Variants in HS3ST3B1 observed in about 807,000 individuals in gnomAD.
The protein encoded by HS3ST3B1 is heparan sulfate-glucosamine 3-sulfotransferase 3B1.
Under a neutral mutation model 21.3 loss-of-function variants are expected in HS3ST3B1, and 13 were observed. That is an observed-to-expected ratio of 0.61 (90% CI 0.40 to 0.97). HS3ST3B1 has a LOEUF of 0.97. Among genes scored for constraint, HS3ST3B1 ranks in the 50% least tolerant of loss-of-function variants. The pLI is 0.00. For missense variants in HS3ST3B1, 459 were observed against 554.8 expected (o/e 0.83, Z 1.73); for synonymous variants, 234 against 254.8 (o/e 0.92, Z 0.78).
intron 1 of HS3ST3B1, among the ~76,000 whole-genome samples, chr17:14,321,597 C>G (rs144944187): frequency 6.6e-6 from 1 of 152,270 alleles, no homozygotes; most frequent in Non-Finnish European, 1.5e-5. Flanking sequence ...GTTTGTATCA[C>G]CAGCAGAGCC....
At chr17:14,325,568 CAG>C (rs1909783993) in intron 1 of HS3ST3B1, among the ~76,000 whole-genome samples, 1 of 152,208 alleles carries the variant, frequency 6.6e-6, no homozygotes. Context: ...TAGAAAGTTG[CAG>C]AGTCTCTCAA....
chr17:14,321,481 G>A (rs1474070889), intron 1 of HS3ST3B1, among the ~76,000 whole-genome samples: 3 of 152,124 alleles, frequency 2.0e-5, no homozygotes, highest in Non-Finnish European at 4.4e-5. Context: ...TACACACTTC[G>A]TTTATTTAAA....
At chr17:14,325,349 C>A (rs1909776469) in intron 1 of HS3ST3B1, among the ~76,000 whole-genome samples, 1 of 152,172 alleles carries the variant, frequency 6.6e-6, no homozygotes, top group Admixed American at 6.5e-5. Context: ...TGGAACCAGG[C>A]AAATGTTACC....
intron 1 of HS3ST3B1, chr17:14,327,769 A>G (rs756511474): frequency 6.6e-6 from 1 of 152,212 alleles, no homozygotes; most frequent in Non-Finnish European, 1.5e-5. Flanking sequence ...TCATTCAACA[A>G]ATATTTTCAA....
rs1012422084 is a variant in HS3ST3B1, at chr17:14,347,595, T to G, written c.*1949T>G. 6 of 152,328 alleles carry G rather than the reference T, an allele frequency of 3.9e-5. No individual in the cohort carries two copies. The highest frequency in any genetic ancestry group is 7.4e-5 in the Non-Finnish European group (5 of 68,026). The allele number at this position is 152,328 out of a possible 1,614,324, so 9.4% of individuals were successfully genotyped here. On this transcript the variant is annotated 3_prime_UTR_variant, in exon 2 of 2. Coordinates refer to ENST00000360954, the MANE Select transcript of HS3ST3B1 (RefSeq NM_006041.3). ...GTATAAGGAACATTGTATGAAAAGA[T>G]GAAAAGATACTTCATTTTTAGAAAC...
At chr17:14,320,706 G>A (rs576297658) in intron 1 of HS3ST3B1, among the ~76,000 whole-genome samples, 7 of 152,288 alleles carry the variant, frequency 4.6e-5, no homozygotes, top group South Asian at 2.1e-4. Context: ...CAGGTTCCAC[G>A]TCTTCGAATC....
chr17:14,325,294 A>G (rs1909775035), intron 1 of HS3ST3B1, among the ~76,000 whole-genome samples: 1 of 152,266 alleles, frequency 6.6e-6, no homozygotes, highest in South Asian at 2.1e-4. Context: ...TCATCAAGGT[A>G]TACAATGAGT....
At chr17:14,302,215 G>A in intron 1 of HS3ST3B1, 143 bp downstream of exon 1, 1 of 1,029,932 alleles carries the variant, frequency 9.7e-7, no homozygotes, top group Non-Finnish European at 1.4e-6. Flanking sequence ...AGATTGCGCA[G>A]CGCATCCTGT....
At chr17:14,325,183 C>G (rs1909771243) in intron 1 of HS3ST3B1, among the ~76,000 whole-genome samples, 1 of 152,238 alleles carries the variant, frequency 6.6e-6, no homozygotes, top group Non-Finnish European at 1.5e-5. Flanking sequence ...TGCCATGGGG[C>G]AATGGCTACT....
At chr17:14,310,015 G>T (rs58237904) in intron 1 of HS3ST3B1, among the ~76,000 whole-genome samples, 2,191 of 152,308 alleles carry the variant, frequency 0.014, 65 homozygotes, top group African/African-American at 0.05. Flanking sequence ...GGGAAGAAAT[G>T]GATAATCCTC....
intron 1 of HS3ST3B1, chr17:14,327,809 T>C (rs1449861555): frequency 6.6e-6 from 1 of 152,234 alleles, no homozygotes; most frequent in East Asian, 1.9e-4. Flanking sequence ...TTTTGCTGTT[T>C]TTCTTGTATT....
chr17:14,306,590 T>C (rs8072689), intron 1 of HS3ST3B1, among the ~76,000 whole-genome samples: 1,563 of 152,358 alleles, frequency 0.01, 29 homozygotes, highest in African/African-American at 0.035. Flanking sequence ...TGAAAGCTAA[T>C]AGCTGAAAAT....
At chr17:14,342,057 T>C (rs140734885) in intron 1 of HS3ST3B1, among the ~76,000 whole-genome samples, 1 of 152,316 alleles carries the variant, frequency 6.6e-6, no homozygotes, top group East Asian at 1.9e-4. Flanking sequence ...TAACTCCCTG[T>C]TGGCAGTCTG....
intron 1 of HS3ST3B1, among the ~76,000 whole-genome samples, chr17:14,336,343 T>A (rs1286723506): frequency 6.6e-6 from 1 of 152,212 alleles, no homozygotes; most frequent in African/African-American, 2.4e-5. Context: ...AGGAGGGATA[T>A]CACCCGAGGA....
At chr17:14,304,662 T>C (rs1348444472) in intron 1 of HS3ST3B1, 1 of 152,144 alleles carries the variant, frequency 6.6e-6, no homozygotes, top group African/African-American at 2.4e-5. Context: ...GTGCCAGAGG[T>C]GTGCTCCATT....
At chr17:14,329,179 G>A (rs890370499) in intron 1 of HS3ST3B1, 6 of 152,068 alleles carry the variant, frequency 3.9e-5, no homozygotes, top group African/African-American at 1.2e-4. Context: ...GGTCGCTGAC[G>A]ATACTGAGTC....
chr17:14,306,617 T>C (rs1184499528), intron 1 of HS3ST3B1, among the ~76,000 whole-genome samples: 1 of 152,230 alleles, frequency 6.6e-6, no homozygotes, highest in Non-Finnish European at 1.5e-5. Context: ...ATTCCCCACA[T>C]TTTAAATTTA....
intron 1 of HS3ST3B1, among the ~76,000 whole-genome samples, chr17:14,311,872 G>T (rs1256469517): frequency 1.3e-5 from 2 of 152,026 alleles, no homozygotes; most frequent in Non-Finnish European, 2.9e-5. Flanking sequence ...CTTAAAACAG[G>T]CTCGAGGAGA....
chr17:14,301,262 C>T lies in HS3ST3B1; in HGVS notation c.-257C>T, dbSNP rs546748067. ...TCGCGCCCCGGGAGCAGACCCTCGC[C>T]CAGCAGTTACCGCCGTCCCGACTTT... On this transcript the variant is annotated 5_prime_UTR_variant, in exon 1 of 2. Coordinates refer to ENST00000360954, the MANE Select transcript of HS3ST3B1 (RefSeq NM_006041.3). The T allele has an allele frequency of 2.0e-6, 1 of 491,800 alleles. No homozygotes were observed. The highest frequency in any genetic ancestry group is 3.4e-5 in the South Asian group (1 of 29,786). 30.5% of individuals were successfully genotyped at this position (491,800 alleles called of 1,614,324 possible).
Sources: allele counts gnomAD v4.1 joint callset (sites outside exome capture counted in the v4.1 genomes callset), GRCh38; gene constraint gnomAD v4.1.1; transcripts MANE v1.5; gene names NCBI Gene and HGNC (gene_info 2026-07-23, HGNC 2026-07-21).